Variants in PCDHA12 observed in about 807,000 individuals in gnomAD.
PCDHA12 encodes protocadherin alpha-12.
In PCDHA12, 44 loss-of-function variants were observed where a neutral mutation model predicts 60.0. The ratio of observed to expected loss-of-function variants is 0.73; its 90% CI spans 0.58 to 0.94. PCDHA12 has a LOEUF of 0.94. Among genes scored for constraint, PCDHA12 ranks in the 40% least tolerant of loss-of-function variants. PCDHA12 has a pLI of 0.00. For missense variants in PCDHA12, 1,276 were observed against 1,239.7 expected (o/e 1.03, Z -0.44); for synonymous variants, 569 against 553.0 (o/e 1.03, Z -0.40).
intron 1 of PCDHA12, among the ~76,000 whole-genome samples, chr5:140,950,612 T>A (rs2094502401): frequency 6.6e-6 from 1 of 152,072 alleles, no homozygotes; most frequent in Non-Finnish European, 1.5e-5. Flanking sequence ...ATGATGTGCT[T>A]ATTTATGCTT....
intron 1 of PCDHA12, among the ~76,000 whole-genome samples, chr5:140,942,504 G>C (rs2093309107): frequency 6.6e-6 from 1 of 151,936 alleles, no homozygotes; most frequent in Admixed American, 6.6e-5. Flanking sequence ...ATGGTATCTA[G>C]GAAACTCAGA....
At chr5:141,004,391 G>A (rs62384511) in intron 3 of PCDHA12, among the ~76,000 whole-genome samples, 4 of 152,342 alleles carry the variant, frequency 2.6e-5, no homozygotes, top group East Asian at 3.9e-4. Flanking sequence ...AGCTGGACAT[G>A]TGGAGGAGGC....
chr5:140,983,022 A>G (rs2097023004), intron 3 of PCDHA12, among the ~76,000 whole-genome samples: 1 of 152,114 alleles, frequency 6.6e-6, no homozygotes, highest in Non-Finnish European at 1.5e-5. Flanking sequence ...GGAAGGAAGG[A>G]AGATGGTTTC....
intron 1 of PCDHA12, among the ~76,000 whole-genome samples, chr5:140,917,362 A>G (rs552053034): frequency 2.2e-4 from 32 of 142,394 alleles, no homozygotes; most frequent in Admixed American, 1.7e-3. Flanking sequence ...CTGTTCCACT[A>G]TCTTGCTCCA....
chr5:140,903,491 G>T (rs1253397353), intron 1 of PCDHA12, among the ~76,000 whole-genome samples: 4 of 152,094 alleles, frequency 2.6e-5, no homozygotes, highest in African/African-American at 9.7e-5. Flanking sequence ...GTTCTGAGCA[G>T]GTACCATAGA....
At chr5:140,888,843 G>T (rs2153425504) in intron 1 of PCDHA12, among the ~76,000 whole-genome samples, 1 of 152,082 alleles carries the variant, frequency 6.6e-6, no homozygotes, top group East Asian at 1.9e-4. Context: ...ACTGCAGCCT[G>T]GTGACAGAGT....
At chr5:140,930,906 C>T (rs1235701028) in intron 1 of PCDHA12, among the ~76,000 whole-genome samples, 1 of 152,134 alleles carries the variant, frequency 6.6e-6, no homozygotes, top group African/African-American at 2.4e-5. Flanking sequence ...ACTTACTTTT[C>T]TACTTTAGAT....
intron 1 of PCDHA12, chr5:140,883,758 G>A (rs781858673): frequency 3.1e-6 from 5 of 1,612,920 alleles, no homozygotes; most frequent in South Asian, 1.1e-5. Context: ...CTGGTGGAGC[G>A]GCGGGTGGGC....
chr5:140,925,641 TATAATAATAATAATA>T (rs10569930), intron 1 of PCDHA12, among the ~76,000 whole-genome samples: 7 of 143,358 alleles, frequency 4.9e-5, no homozygotes, highest in African/African-American at 1.0e-4. Flanking sequence ...GAACTTAAAG[TATAATAATAATAATA>T]ATAATAATAA....
At chr5:140,891,819 G>C (rs1282245838) in intron 1 of PCDHA12, among the ~76,000 whole-genome samples, 3 of 152,098 alleles carry the variant, frequency 2.0e-5, no homozygotes, top group African/African-American at 7.2e-5. Context: ...ATAAATTAAC[G>C]GCACTGTAAA....
intron 1 of PCDHA12, among the ~76,000 whole-genome samples, chr5:140,940,086 A>C (rs373629874): frequency 6.6e-6 from 1 of 152,214 alleles, no homozygotes; most frequent in Non-Finnish European, 1.5e-5. Flanking sequence ...TTTCTGCTAA[A>C]TTGAAACTTT....
At chr5:140,944,053 A>G (rs246065) in intron 1 of PCDHA12, among the ~76,000 whole-genome samples, 85,768 of 152,016 alleles carry the variant, frequency 0.56, 24,809 homozygotes, top group African/African-American at 0.69. Context: ...TTGGGATACA[A>G]AAAGGTTTCT....
Position 140,934,368 on chromosome 5 carries a change from CCTT to C in PCDHA12, c.2368-44578_2368-44576del, listed in dbSNP as rs1168343483. Among the ~76,000 whole-genome samples, 5 of 152,220 alleles carry C rather than the reference CCTT, an allele frequency of 3.3e-5. No homozygotes were observed. In the South Asian group the frequency reaches 1.0e-3, roughly 32 times the overall value. On this transcript the variant is annotated intron_variant, in intron 1 of 3. Transcript: ENST00000398631. ...ACAGTGTGGAGCCACTGCTTTGACT[CCTT>C]CTGTGGTTCTATGGTGGCCAGCTTT...
chr5:140,920,974 A>G (rs77459262), intron 1 of PCDHA12, among the ~76,000 whole-genome samples: 17,697 of 151,984 alleles, frequency 0.12, 1,149 homozygotes, highest in Middle Eastern at 0.19. Context: ...CTAGAGTATA[A>G]TATTGTATTT....
At chr5:140,966,677 A>C in intron 1 of PCDHA12, 1 of 1,313,088 alleles carries the variant, frequency 7.6e-7, no homozygotes, top group Non-Finnish European at 9.8e-7. Flanking sequence ...GCAGGGTGGC[A>C]CGAGCGGAGG....
chr5:140,938,065 C>A (rs2091903151), intron 1 of PCDHA12, among the ~76,000 whole-genome samples: 1 of 152,094 alleles, frequency 6.6e-6, no homozygotes, highest in Admixed American at 6.5e-5. Context: ...TACTGTCATG[C>A]TATTCCCAAA....
chr5:140,937,869 G>C (rs1268422806), intron 1 of PCDHA12, among the ~76,000 whole-genome samples: 1 of 150,376 alleles, frequency 6.6e-6, no homozygotes, highest in South Asian at 2.1e-4. Context: ...CCGAGATCGC[G>C]CCACTGCACT....
chr5:140,889,417 A>G (rs2062219100), intron 1 of PCDHA12, among the ~76,000 whole-genome samples: 1 of 152,040 alleles, frequency 6.6e-6, no homozygotes. Context: ...TCAGTTACGT[A>G]GATAATATTT....
At chr5:140,919,376 CAT>C (rs1245050758) in intron 1 of PCDHA12, among the ~76,000 whole-genome samples, 1 of 152,192 alleles carries the variant, frequency 6.6e-6, no homozygotes, top group Non-Finnish European at 1.5e-5. Context: ...GCAGACAACA[CAT>C]AGTTGGATGT....
Sources: gnomAD v4.1 joint callset for allele counts (sites outside exome capture counted in the v4.1 genomes callset) on GRCh38, gnomAD v4.1.1 for gene constraint, MANE v1.5 for transcripts, NCBI Gene and HGNC (gene_info 2026-07-23, HGNC 2026-07-21) for gene names.